The following RPSA2 variants were observed in gnomAD, a reference collection of about 807,000 sequenced individuals.
The protein encoded by RPSA2 is ribosomal protein SA 2.
At chr19:23,772,456 T>A in the RPSA2 span, among the ~76,000 whole-genome samples, 7 of 152,320 alleles carry the variant, frequency 4.6e-5, no homozygotes, top group East Asian at 1.4e-3. Context: ...AGTCAGCTTA[T>A]AAGTGCGATG....
chr19:23,862,746 C>T, the RPSA2 span, among the ~76,000 whole-genome samples: 7 of 133,900 alleles, frequency 5.2e-5, no homozygotes, highest in Non-Finnish European at 9.5e-5. Context: ...TACCCTAAAA[C>T]TTAAAGTATA....
the RPSA2 span, among the ~76,000 whole-genome samples, chr19:23,822,576 T>C: frequency 6.6e-6 from 1 of 152,190 alleles, no homozygotes; most frequent in East Asian, 1.9e-4. Context: ...CCCTTGGACC[T>C]GGCCCTGTTC....
the RPSA2 span, chr19:23,828,160 A>G: frequency 4.6e-6 from 3 of 649,258 alleles, no homozygotes; most frequent in Non-Finnish European, 8.0e-6. Flanking sequence ...TGAGTCTATA[A>G]ATGACTACTT....
At chr19:23,813,638 GATA>G in the RPSA2 span, among the ~76,000 whole-genome samples, 1,099 of 151,506 alleles carry the variant, frequency 7.3e-3, 17 homozygotes, top group African/African-American at 0.025. Flanking sequence ...TGCTGTATTT[GATA>G]ATAATTTTAT....
chr19:23,764,796 A>G, the RPSA2 span, among the ~76,000 whole-genome samples: 1 of 151,116 alleles, frequency 6.6e-6, no homozygotes, highest in South Asian at 2.1e-4. Context: ...CTGGAACTCC[A>G]CTTTAAAAAA....
chr19:23,870,873 T>A, the RPSA2 span, among the ~76,000 whole-genome samples: 6 of 152,200 alleles, frequency 3.9e-5, no homozygotes, highest in African/African-American at 1.4e-4. Context: ...AAGAGCAAAC[T>A]GTTTATCATG....
the RPSA2 span, among the ~76,000 whole-genome samples, chr19:23,860,785 G>A: frequency 6.6e-6 from 1 of 152,162 alleles, no homozygotes; most frequent in Admixed American, 6.6e-5. Flanking sequence ...CTGGTAGCAT[G>A]CATGACTTCA....
the RPSA2 span, chr19:23,828,191 G>A: frequency 1.6e-4 from 96 of 605,924 alleles, no homozygotes; most frequent in African/African-American, 1.7e-3. Context: ...ATATGTGAAA[G>A]TTTATATATG....
At chr19:23,845,741 C>G in the RPSA2 span, among the ~76,000 whole-genome samples, 1 of 152,208 alleles carries the variant, frequency 6.6e-6, no homozygotes, top group Non-Finnish European at 1.5e-5. Flanking sequence ...ATCCACCTGC[C>G]TCAGCCTCAC....
the RPSA2 span, among the ~76,000 whole-genome samples, chr19:23,788,925 G>T: frequency 6.6e-6 from 1 of 151,788 alleles, no homozygotes; most frequent in African/African-American, 2.4e-5. Flanking sequence ...ACCTCTCAGG[G>T]TGTTGCTCAC....
At chr19:23,866,084 C>T in the RPSA2 span, among the ~76,000 whole-genome samples, 4 of 152,164 alleles carry the variant, frequency 2.6e-5, no homozygotes, top group African/African-American at 7.2e-5. Flanking sequence ...TGAGCTGTGG[C>T]CCCTTTTCAG....
At chr19:23,781,451 G>A in the RPSA2 span, among the ~76,000 whole-genome samples, 2 of 151,980 alleles carry the variant, frequency 1.3e-5, no homozygotes, top group Non-Finnish European at 2.9e-5. Flanking sequence ...TGATTCTCCT[G>A]CCTCAGCCTT....
the RPSA2 span, among the ~76,000 whole-genome samples, chr19:23,844,309 G>C: frequency 6.6e-6 from 1 of 152,008 alleles, no homozygotes. Context: ...AACTTTTCTT[G>C]TATGTATGGT....
At chr19:23,848,680 C>A in the RPSA2 span, among the ~76,000 whole-genome samples, 12 of 149,884 alleles carry the variant, frequency 8.0e-5, no homozygotes, top group Admixed American at 5.3e-4. Context: ...AGAAGTATTC[C>A]AATTGTACTG....
At chr19:23,858,894 A>G in the RPSA2 span, among the ~76,000 whole-genome samples, 33 of 152,220 alleles carry the variant, frequency 2.2e-4, no homozygotes, top group Non-Finnish European at 2.9e-5. Context: ...AGCCCTATGT[A>G]AATTAGACAC....
At chr19:23,866,237 C>A in the RPSA2 span, among the ~76,000 whole-genome samples, 1 of 152,170 alleles carries the variant, frequency 6.6e-6, no homozygotes, top group Non-Finnish European at 1.5e-5. Context: ...ATCACAGGAG[C>A]CTTATGCACA....
the RPSA2 span, among the ~76,000 whole-genome samples, chr19:23,817,325 T>G: frequency 1.7e-4 from 26 of 152,310 alleles, no homozygotes; most frequent in African/African-American, 6.0e-4. Flanking sequence ...GAGGTTGCAG[T>G]GAGCCAAGAT....
chr19:23,812,144 G>GT, the RPSA2 span, among the ~76,000 whole-genome samples: 1 of 151,810 alleles, frequency 6.6e-6, no homozygotes, highest in East Asian at 1.9e-4. Flanking sequence ...CTATATTGTG[G>GT]TTTTTTACTA....
the RPSA2 span, among the ~76,000 whole-genome samples, chr19:23,778,315 C>T: frequency 1.3e-5 from 2 of 152,170 alleles, no homozygotes; most frequent in Non-Finnish European, 2.9e-5. Context: ...CAGGTTCAAG[C>T]GATTCTACTG....
Sources: allele counts gnomAD v4.1 joint callset (sites outside exome capture counted in the v4.1 genomes callset), GRCh38; gene constraint gnomAD v4.1.1; transcripts MANE v1.5; gene names NCBI Gene and HGNC (gene_info 2026-07-23, HGNC 2026-07-21).